Variants in NOL9 observed in about 807,000 individuals in gnomAD.
The protein encoded by NOL9 is nucleolar protein 9.
Under a neutral mutation model 67.9 loss-of-function variants are expected in NOL9, and 28 were observed. That is an observed-to-expected ratio of 0.41 (90% confidence interval 0.31 to 0.57). The LOEUF (loss-of-function observed/expected upper bound fraction) is 0.57, where lower values mean the gene tolerates loss of function less well. NOL9 is among the 20% of genes least tolerant of loss of function. NOL9 has a pLI of 0.25. For synonymous variants in NOL9, 356 were observed against 352.2 expected (o/e 1.01, Z -0.12); for missense variants, 777 against 897.0 (o/e 0.87, Z 1.71).
rs1639081341 is a variant in NOL9 at position 6,533,513 on chromosome 1, G to C, written c.1076-72C>G. The C allele has an allele frequency of 3.3e-6, 4 of 1,200,718 alleles. No homozygotes were observed. In the East Asian group the frequency reaches 8.1e-5, roughly 24 times the overall value. The allele number at this position is 1,200,718 out of a possible 1,614,324, so 74.4% of individuals were successfully genotyped here. Reference sequence around the variant, plus strand: ...ATCCTGGCTACTTAAAAGGTGGTGAGGGTTTTGTTTCAGCCGTTATCACTG... The same window carrying C: ...ATCCTGGCTACTTAAAAGGTGGTGACGGTTTTGTTTCAGCCGTTATCACTG... On this transcript the variant is annotated intron_variant, in intron 6 of 11. Coordinates refer to ENST00000377705, the MANE Select transcript of NOL9 (RefSeq NM_024654.5).
At chr1:6,529,316 C>T in intron 9 of NOL9, 145 bp from the exon 10 acceptor site, 1 of 724,970 alleles carries the variant, frequency 1.4e-6, no homozygotes, top group Non-Finnish European at 2.3e-6. Context: ...AACAGCCAGG[C>T]ACAGTGGCTC....
intron 9 of NOL9, among the ~76,000 whole-genome samples, chr1:6,531,065 GTGCTACC>G (rs1639015272): frequency 6.6e-6 from 1 of 152,176 alleles, no homozygotes. Context: ...CATTTCAGAA[GTGCTACC>G]TGCCGCTAGT....
At chr1:6,528,811 C>T (rs113891088) in intron 10 of NOL9, among the ~76,000 whole-genome samples, 183 bp downstream of exon 10, 1 of 152,192 alleles carries the variant, frequency 6.6e-6, no homozygotes, top group Non-Finnish European at 1.5e-5. Flanking sequence ...AGCTGGCAGA[C>T]GAAGCAGAGA....
chr1:6,549,574 T>C lies in NOL9; in HGVS notation c.741A>G (p.Gln247=). The C allele has an allele frequency of 6.2e-7, 1 of 1,613,936 alleles. No homozygotes were observed. Among genetic ancestry groups the C allele is most frequent in the Non-Finnish European group, 8.5e-7 (1 of 1,179,934 alleles). The change falls in exon 3 of 12, where the codon CAA becomes CAG. Residue 247 remains glutamine (Q), a synonymous_variant. Coordinates refer to ENST00000377705, the MANE Select transcript of NOL9 (RefSeq NM_024654.5). ...TCTGAATGAAAACGGGTTCTACCTC[T>C]TGCACAAAAATGTAGGATGAACCCG... ...SYPGSSYIFV[Q]ESPTPQIKPE...
chr1:6,532,427 G>A, intron 8 of NOL9, 36 bp downstream of exon 8: 1 of 1,573,862 alleles, frequency 6.4e-7, no homozygotes. Flanking sequence ...TCGACGGAAG[G>A]AAAAATAATT....
At chr1:6,529,864 T>G (rs1638982586) in intron 9 of NOL9, among the ~76,000 whole-genome samples, 1 of 152,026 alleles carries the variant, frequency 6.6e-6, no homozygotes, top group Non-Finnish European at 1.5e-5. Context: ...AGGCGGAGGT[T>G]GCAGTGAACT....
intron 6 of NOL9, among the ~76,000 whole-genome samples, chr1:6,539,656 T>A (rs570404051): frequency 6.7e-3 from 41 of 6,164 alleles, no homozygotes; most frequent in Admixed American, 0.012. Context: ...AGCTAACTTT[T>A]GTATTTTTTT....
chr1:6,538,824 A>C (rs906138904), intron 6 of NOL9, among the ~76,000 whole-genome samples: 15 of 151,776 alleles, frequency 9.9e-5, no homozygotes, highest in African/African-American at 3.6e-4. Flanking sequence ...CTCTACTAAA[A>C]ATACAAAAAT....
chr1:6,553,175 G>A (rs138456640), intron 1 of NOL9, among the ~76,000 whole-genome samples: 24 of 152,280 alleles, frequency 1.6e-4, no homozygotes, highest in African/African-American at 5.3e-4. Flanking sequence ...CATGGTGACC[G>A]TGAACTCGGC....
At chr1:6,539,818 T>C (rs912815118) in intron 6 of NOL9, among the ~76,000 whole-genome samples, 12 of 152,182 alleles carry the variant, frequency 7.9e-5, no homozygotes, top group African/African-American at 2.4e-4. Context: ...ACAACATGGA[T>C]GGATTTTGAC....
rs778718380 is a variant in NOL9, at chr1:6,531,920, C to T, written c.1647+48G>A. On this transcript the variant is annotated intron_variant, in intron 9 of 11. Coordinates refer to ENST00000377705, the MANE Select transcript of NOL9 (RefSeq NM_024654.5). ...AGCGCCCAGCACACAGAAAACCACA[C>T]AAGTGTGTAACAAAATGAAGACAAT... 12 of 1,469,746 alleles carry T rather than the reference C, an allele frequency of 8.2e-6. No homozygotes were observed. In the Admixed American group the frequency reaches 2.0e-4, roughly 25 times the overall value. The allele number at this position is 1,469,746 out of a possible 1,614,324, so 91.0% of individuals were successfully genotyped here.
At chr1:6,527,011 C>T (rs1416275063) in intron 10 of NOL9, among the ~76,000 whole-genome samples, 182 bp from the exon 11 acceptor site, 2 of 151,892 alleles carry the variant, frequency 1.3e-5, no homozygotes, top group East Asian at 1.9e-4. Flanking sequence ...TCTGGGAGGC[C>T]GAGGCGGGTG....
chr1:6,532,170 A>G (rs988953289), intron 8 of NOL9, 91 bp from the exon 9 acceptor site: 6 of 1,005,344 alleles, frequency 6.0e-6, no homozygotes, highest in Non-Finnish European at 9.3e-6. Flanking sequence ...ATTTTCACAG[A>G]GTACTGGGCT....
chr1:6,533,468 AT>A (rs753686823), intron 6 of NOL9, 27 bp from the exon 7 acceptor site: 28 of 1,541,440 alleles, frequency 1.8e-5, no homozygotes, highest in Non-Finnish European at 2.2e-5. Flanking sequence ...GAGTAATCAG[AT>A]GAGTAAGGTG....
At chr1:6,550,163 C>T (rs543494489) in intron 2 of NOL9, among the ~76,000 whole-genome samples, 3 of 152,230 alleles carry the variant, frequency 2.0e-5, no homozygotes, top group Admixed American at 2.0e-4. Context: ...TCCCGAGTAG[C>T]TGGGACTACA....
At chr1:6,538,896 C>T (rs1462406456) in intron 6 of NOL9, among the ~76,000 whole-genome samples, 4 of 152,098 alleles carry the variant, frequency 2.6e-5, no homozygotes, top group Non-Finnish European at 4.4e-5. Context: ...TGCTTGAACC[C>T]GGGAGGTGGA....
chr1:6,535,796 C>T (rs940544848), intron 6 of NOL9, among the ~76,000 whole-genome samples: 3 of 151,834 alleles, frequency 2.0e-5, no homozygotes, highest in Non-Finnish European at 2.9e-5. Context: ...GGCATGGTGG[C>T]GGGTGCCTGT....
intron 3 of NOL9, chr1:6,548,134 A>AGTT (rs1639458611): frequency 6.8e-6 from 1 of 147,304 alleles, no homozygotes; most frequent in Non-Finnish European, 1.4e-5. Flanking sequence ...TGAGACTTAA[A>AGTT]GTTCTTTTTT....
At chr1:6,539,272 C>CT (rs1639223198) in intron 6 of NOL9, among the ~76,000 whole-genome samples, 1 of 152,148 alleles carries the variant, frequency 6.6e-6, no homozygotes. Flanking sequence ...ACAGAACTAC[C>CT]ATAAGACCCA....
Sources: gnomAD v4.1 joint callset for allele counts (sites outside exome capture counted in the v4.1 genomes callset) on GRCh38, gnomAD v4.1.1 for gene constraint, MANE v1.5 for transcripts, NCBI Gene and HGNC (gene_info 2026-07-23, HGNC 2026-07-21) for gene names.